MGAT4C: variants seen among roughly 807,000 people sequenced by gnomAD.
MGAT4C encodes the protein alpha-1,3-mannosyl-glycoprotein 4-beta-N-acetylglucosaminyltransferase C.
In MGAT4C, 19 loss-of-function variants were observed where a neutral mutation model predicts 40.1. That is an observed-to-expected ratio of 0.47 (90% CI 0.33 to 0.70). The LOEUF is 0.70. Among genes scored for constraint, MGAT4C ranks in the 30% least tolerant of loss-of-function variants. The pLI is 0.02. For synonymous variants in MGAT4C, 181 were observed against 187.1 expected, an observed-to-expected ratio of 0.97 and a Z score of 0.27; for missense variants, 491 against 563.2, an observed-to-expected ratio of 0.87 and a Z score of 1.30.
chr12:86,818,773 A>T (rs1952650947), intron 1 of MGAT4C, among the ~76,000 whole-genome samples: 1 of 151,200 alleles, frequency 6.6e-6, no homozygotes, highest in African/African-American at 2.4e-5. Flanking sequence ...AACACATATG[A>T]TAAAGAACTT....
intron 2 of MGAT4C, among the ~76,000 whole-genome samples, chr12:86,574,842 C>T (rs923880695): frequency 2.0e-5 from 3 of 151,722 alleles, no homozygotes; most frequent in African/African-American, 7.3e-5. Flanking sequence ...ATTAATTAGA[C>T]AATATGCATG....
At chr12:86,738,637 GT>G (rs1439353482) in intron 1 of MGAT4C, among the ~76,000 whole-genome samples, 2 of 151,196 alleles carry the variant, frequency 1.3e-5, no homozygotes, top group African/African-American at 4.8e-5. Context: ...GTTACATATT[GT>G]TCGATTTTAT....
chr12:86,275,973 A>AAAAAAAAAAAT (rs58474995), intron 4 of MGAT4C, among the ~76,000 whole-genome samples: 2 of 144,812 alleles, frequency 1.4e-5, no homozygotes, highest in South Asian at 4.4e-4. Flanking sequence ...AAAAAAAAAA[A>AAAAAAAAAAAT]TTAGCCGGGC....
intron 2 of MGAT4C, among the ~76,000 whole-genome samples, chr12:86,626,973 A>C (rs1241465077): frequency 6.6e-6 from 1 of 152,224 alleles, no homozygotes; most frequent in Non-Finnish European, 1.5e-5. Flanking sequence ...AGCCAAGGGA[A>C]GCCGTGACAG....
intron 2 of MGAT4C, among the ~76,000 whole-genome samples, chr12:86,579,076 T>G (rs947509329): frequency 4.0e-5 from 6 of 151,730 alleles, no homozygotes; most frequent in African/African-American, 1.2e-4. Flanking sequence ...GTGTGTTTCT[T>G]GTAGGCTACA....
intron 2 of MGAT4C, among the ~76,000 whole-genome samples, chr12:86,518,560 C>T (rs973882953): frequency 6.6e-6 from 1 of 152,068 alleles, no homozygotes; most frequent in African/African-American, 2.4e-5. Context: ...TAGAAAGAAA[C>T]CAGAATACTT....
chr12:86,645,614 G>T (rs1229566495), intron 2 of MGAT4C, among the ~76,000 whole-genome samples: 1 of 151,654 alleles, frequency 6.6e-6, no homozygotes, highest in Non-Finnish European at 1.5e-5. Flanking sequence ...AGTTTTTAAG[G>T]TATTCAGGGC....
intron 1 of MGAT4C, among the ~76,000 whole-genome samples, chr12:86,800,869 A>G (rs984007535): frequency 6.6e-6 from 1 of 151,810 alleles, no homozygotes; most frequent in Non-Finnish European, 1.5e-5. Context: ...GCCTTACCCA[A>G]TTTTAGGAAG....
intron 4 of MGAT4C, among the ~76,000 whole-genome samples, chr12:86,316,926 G>A (rs2136156814): frequency 6.6e-6 from 1 of 151,782 alleles, no homozygotes; most frequent in South Asian, 2.1e-4. Flanking sequence ...ATGAAATGAA[G>A]CAAAAAGTTT....
intron 1 of MGAT4C, among the ~76,000 whole-genome samples, chr12:86,751,003 C>G (rs1291223857): frequency 6.6e-6 from 1 of 151,934 alleles, no homozygotes; most frequent in East Asian, 1.9e-4. Context: ...ACCTCAATAG[C>G]TCATACCGTA....
At chr12:86,146,172 C>T (rs972026521) in intron 1 of MGAT4C, among the ~76,000 whole-genome samples, 1 of 152,066 alleles carries the variant, frequency 6.6e-6, no homozygotes, top group African/African-American at 2.4e-5. Context: ...AGACCTGAAA[C>T]CAAGGTCTAA....
intron 2 of MGAT4C, among the ~76,000 whole-genome samples, chr12:86,453,808 T>G (rs919227998): frequency 2.0e-5 from 3 of 152,254 alleles, no homozygotes; most frequent in Middle Eastern, 3.4e-3. Flanking sequence ...GCTTACTAGA[T>G]TCTTGCAAGA....
intron 4 of MGAT4C, among the ~76,000 whole-genome samples, chr12:86,266,913 T>A (rs1467372595): frequency 6.6e-6 from 1 of 152,118 alleles, no homozygotes; most frequent in Non-Finnish European, 1.5e-5. Context: ...TTAGCCTTTT[T>A]AGTTTGTGAG....
At chr12:86,184,828 G>T (rs1000421963) in intron 1 of MGAT4C, among the ~76,000 whole-genome samples, 23 of 148,416 alleles carry the variant, frequency 1.5e-4, no homozygotes, top group African/African-American at 5.7e-4. Context: ...AGACCAAACA[G>T]AATGCAGTAA....
chr12:86,583,532 TA>T (rs1960879918), intron 2 of MGAT4C, among the ~76,000 whole-genome samples: 1 of 151,322 alleles, frequency 6.6e-6, no homozygotes, highest in Non-Finnish European at 1.5e-5. Flanking sequence ...CATCTGCTAA[TA>T]AATACCAACA....
intron 2 of MGAT4C, among the ~76,000 whole-genome samples, chr12:86,684,828 T>C (rs1270690564): frequency 1.3e-5 from 2 of 152,076 alleles, no homozygotes; most frequent in African/African-American, 2.4e-5. Flanking sequence ...GCCACATAAA[T>C]GGCTTCTTTT....
rs377100026 is a variant in MGAT4C at position 86,005,535 on chromosome 12, G to A, written c.-6-15983C>T. Among the ~76,000 whole-genome samples, 10 of 152,202 alleles carry A rather than the reference G, an allele frequency of 6.6e-5. No individual in the cohort carries two copies. The East Asian group carries it at 1.2e-3, about 18-fold the overall frequency. The stretch of plus-strand genomic sequence containing the variant: ...GAAAAAGCTGGCCCAATAATAATTG[G>A]CTTCTAGGGTTCTTAGCCTTACAGA... On this transcript the variant is annotated intron_variant, in intron 2 of 4. Transcript: ENST00000611864.
chr12:86,707,467 T>C (rs992976779), intron 2 of MGAT4C, among the ~76,000 whole-genome samples: 6 of 152,074 alleles, frequency 3.9e-5, no homozygotes, highest in African/African-American at 9.7e-5. Context: ...TCCTGGAGAT[T>C]TGTGAAACTT....
chr12:86,328,244 C>T (rs1954572853), intron 4 of MGAT4C, among the ~76,000 whole-genome samples: 1 of 152,098 alleles, frequency 6.6e-6, no homozygotes. Context: ...AGAGAAAACA[C>T]TGAACATGTT....
Sources: gnomAD v4.1 joint callset for allele counts (sites outside exome capture counted in the v4.1 genomes callset) on GRCh38, gnomAD v4.1.1 for gene constraint, MANE v1.5 for transcripts, NCBI Gene and HGNC (gene_info 2026-07-23, HGNC 2026-07-21) for gene names.